The following CSMD1 variants were observed in gnomAD, a reference collection of about 807,000 sequenced individuals.
CSMD1 encodes the protein CUB and Sushi multiple domains 1, also known as CUB and sushi domain-containing protein 1.
A neutral mutation model predicts 417.5 loss-of-function variants in CSMD1; 213 were observed. The ratio of observed to expected loss-of-function variants is 0.51; its 90% CI spans 0.46 to 0.57. The LOEUF is 0.57. Ranked by LOEUF, CSMD1 falls within the 20% of genes least tolerant of loss-of-function variation. The probability of loss-of-function intolerance (pLI) is 0.00; values close to 1 mark genes in which losing one functional copy is unlikely to be tolerated. For synonymous variants in CSMD1, 2,862 were observed against 1,736.8 expected (o/e 1.65, Z -16.11); for missense variants, 6,923 against 4,529.7 (o/e 1.53, Z -15.17).
intron 2 of CSMD1, among the ~76,000 whole-genome samples, chr8:4,510,130 C>A (rs1438863790): frequency 6.6e-6 from 1 of 151,914 alleles, no homozygotes. Flanking sequence ...GGGGAGTTCT[C>A]CTTCACACGC....
At chr8:4,051,872 C>CCTTTCTTTCT (rs57417350) in intron 3 of CSMD1, among the ~76,000 whole-genome samples, 1,585 of 37,514 alleles carry the variant, frequency 0.042, 42 homozygotes, top group African/African-American at 0.12. Context: ...TTCTTTCCTT[C>CCTTTCTTTCT]CTCCTTTCTT....
In CSMD1 at chr8:3,190,061, C is replaced by CCG; in HGVS notation, c.5247_5248dup (p.Gly1750AlafsTer78). On this transcript the variant is annotated frameshift_variant, in exon 34 of 70. Coordinates refer to ENST00000635120, the MANE Select transcript of CSMD1 (RefSeq NM_033225.6). LOFTEE classifies it high-confidence loss of function. ...AGAAAACTCAGAACCAATTCTCCTT[C>CCG]CGTATCTGGGCTCGGGGACAGAGCT... is the stretch of plus-strand genomic sequence containing the variant. The CCG allele has an allele frequency of 6.3e-7, 1 of 1,596,022 alleles. No homozygotes were observed. Among genetic ancestry groups the CCG allele is most frequent in the Non-Finnish European group, 8.5e-7 (1 of 1,171,428 alleles).
chr8:3,209,092 T>A (rs935089103), intron 30 of CSMD1, among the ~76,000 whole-genome samples: 2 of 152,172 alleles, frequency 1.3e-5, no homozygotes, highest in Non-Finnish European at 2.9e-5. Context: ...TAGAGGACAT[T>A]TTTGAAAAGT....
Position 4,663,064 on chromosome 8 carries a change from G to A in CSMD1, c.86-25506C>T, listed in dbSNP as rs183101517. 1.8e-4 allele frequency among the ~76,000 whole-genome samples: 28 copies of A among 152,274 alleles called. No homozygotes were observed. In the South Asian group the frequency reaches 3.1e-3, roughly 17 times the overall value. On this transcript the variant is annotated intron_variant, in intron 1 of 69. Transcript: ENST00000635120. Reference sequence around the variant, plus strand: ...CCCAGAGCTGACTAACATGACTGGAGAGAGTCAAGTAAGCCAACCCCTGAG... The same window carrying A: ...CCCAGAGCTGACTAACATGACTGGAAAGAGTCAAGTAAGCCAACCCCTGAG...
intron 6 of CSMD1, among the ~76,000 whole-genome samples, chr8:3,709,699 T>G (rs1370245328): frequency 1.5e-5 from 2 of 130,414 alleles, no homozygotes; most frequent in Admixed American, 7.9e-5. Flanking sequence ...TTTTTTTTTT[T>G]TTTTTTTTTT....
chr8:4,003,778 A>T (rs1228987710), intron 4 of CSMD1, among the ~76,000 whole-genome samples: 1 of 152,200 alleles, frequency 6.6e-6, no homozygotes, highest in African/African-American at 2.4e-5. Flanking sequence ...AAATTACTCA[A>T]CTTAGGGTCT....
chr8:4,451,725 C>G (rs1160694187), intron 2 of CSMD1, among the ~76,000 whole-genome samples: 1 of 152,062 alleles, frequency 6.6e-6, no homozygotes, highest in Non-Finnish European at 1.5e-5. Context: ...AAAATTAAAA[C>G]AAATTACAAC....
At chr8:4,767,533 T>C (rs568648531) in intron 1 of CSMD1, among the ~76,000 whole-genome samples, 5 of 152,252 alleles carry the variant, frequency 3.3e-5, no homozygotes, top group Admixed American at 1.3e-4. Context: ...TGGATTAGTA[T>C]CTCACCATCC....
intron 1 of CSMD1, among the ~76,000 whole-genome samples, chr8:4,674,436 G>A (rs1252965563): frequency 1.3e-5 from 2 of 152,128 alleles, no homozygotes; most frequent in African/African-American, 4.8e-5. Context: ...ATGCCAGGAT[G>A]GGAAGGTCTC....
intron 5 of CSMD1, among the ~76,000 whole-genome samples, chr8:3,758,742 C>T (rs536481984): frequency 2.0e-5 from 3 of 152,280 alleles, no homozygotes; most frequent in East Asian, 1.9e-4. Context: ...CCCCAAGCCC[C>T]GAGGTCCTGC....
chr8:4,458,299 C>CT (rs376555718), intron 2 of CSMD1, among the ~76,000 whole-genome samples: 14 of 150,646 alleles, frequency 9.3e-5, no homozygotes, highest in African/African-American at 1.9e-4. Flanking sequence ...CTTTCTCCCT[C>CT]TTTTTTTTTG....
Position 3,220,650 on chromosome 8 carries a change from G to C in CSMD1, c.4485-1208C>G, listed in dbSNP as rs564955387. On this transcript the variant is annotated intron_variant, in intron 28 of 69. Transcript: ENST00000635120. Reference sequence around the variant, plus strand: ...GTTCGAGAACAGCCTGGCCAATATGGTGAAACCCTCTCTCTACTAAAAATA... The same window carrying C: ...GTTCGAGAACAGCCTGGCCAATATGCTGAAACCCTCTCTCTACTAAAAATA... Among the ~76,000 whole-genome samples the C allele has an allele frequency of 7.9e-5, 12 of 152,210 alleles. No individual in the cohort carries two copies. The East Asian group carries it at 2.1e-3, about 27-fold the overall frequency.
chr8:4,108,392 G>A (rs1801680106), intron 3 of CSMD1, among the ~76,000 whole-genome samples: 2 of 152,074 alleles, frequency 1.3e-5, no homozygotes, highest in Admixed American at 6.6e-5. Context: ...AACTACTCTC[G>A]ACCATGTTCA....
intron 1 of CSMD1, among the ~76,000 whole-genome samples, chr8:4,975,322 G>C (rs1294475684): frequency 6.6e-6 from 1 of 152,168 alleles, no homozygotes; most frequent in Non-Finnish European, 1.5e-5. Flanking sequence ...AGATTATTGA[G>C]TTAAAAGCAT....
At chr8:4,895,508 G>C (rs1804425643) in intron 1 of CSMD1, among the ~76,000 whole-genome samples, 1 of 152,064 alleles carries the variant, frequency 6.6e-6, no homozygotes, top group Admixed American at 6.5e-5. Flanking sequence ...TTAATTCACA[G>C]TCTTTTTATA....
intron 5 of CSMD1, among the ~76,000 whole-genome samples, chr8:3,908,638 A>AT (rs1209519742): frequency 2.6e-5 from 4 of 152,118 alleles, no homozygotes; most frequent in Admixed American, 6.5e-5. Flanking sequence ...AATCTGTCTT[A>AT]TTTTTTGTAA....
At chr8:3,813,721 A>G (rs1253465788) in intron 5 of CSMD1, among the ~76,000 whole-genome samples, 1 of 152,172 alleles carries the variant, frequency 6.6e-6, no homozygotes, top group Non-Finnish European at 1.5e-5. Flanking sequence ...TCCTATACCA[A>G]ATGGTCCATG....
At chr8:3,277,127 G>A (rs17319882) in intron 26 of CSMD1, among the ~76,000 whole-genome samples, 43,230 of 151,930 alleles carry the variant, frequency 0.28, 6,268 homozygotes, top group Non-Finnish European at 0.32. Context: ...TAGCATCTGA[G>A]TAGAGGTTTC....
chr8:4,280,123 A>G (rs1225008930), intron 3 of CSMD1, among the ~76,000 whole-genome samples: 5 of 152,374 alleles, frequency 3.3e-5, no homozygotes, highest in South Asian at 2.1e-4. Flanking sequence ...TACACCGTAC[A>G]CTTCAAATGT....
Sources: allele counts gnomAD v4.1 joint callset (sites outside exome capture counted in the v4.1 genomes callset), GRCh38; gene constraint gnomAD v4.1.1; transcripts MANE v1.5; gene names NCBI Gene and HGNC (gene_info 2026-07-23, HGNC 2026-07-21).